ARAP3: variants seen among roughly 807,000 people sequenced by gnomAD.
The protein encoded by ARAP3 is ArfGAP with RhoGAP domain, ankyrin repeat and PH domain 3.
ARAP3 carries 82 observed loss-of-function variants against 169.2 expected under a neutral mutation model. The ratio of observed to expected loss-of-function variants is 0.48; its 90% confidence interval spans 0.41 to 0.58. ARAP3 has a LOEUF of 0.58. Among genes scored for constraint, ARAP3 ranks in the 20% least tolerant of loss-of-function variants. The pLI, the probability that ARAP3 is intolerant of heterozygous loss-of-function variation, is 0.00. For missense variants in ARAP3, 1,764 were observed against 2,018.0 expected, an observed-to-expected ratio of 0.87 and a Z score of 2.41; for synonymous variants, 791 against 800.3, an observed-to-expected ratio of 0.99 and a Z score of 0.20.
intron 19 of ARAP3, among the ~76,000 whole-genome samples, chr5:141,662,517 C>G (rs938839479): frequency 6.6e-6 from 1 of 152,216 alleles, no homozygotes; most frequent in Non-Finnish European, 1.5e-5. Context: ...AAATAGCACT[C>G]TCTGAAATCA....
In ARAP3 at chr5:141,672,882, C is replaced by T. The variant is rs781334855; in HGVS notation, c.1137G>A (p.Lys379=). 6.2e-7 allele frequency: 1 copy of T among 1,607,826 alleles called. No individual in the cohort carries two copies. The highest frequency in any genetic ancestry group is 8.5e-7 in the Non-Finnish European group (1 of 1,177,072). The change falls in exon 8 of 33, where the codon AAG becomes AAA. Residue 379 remains lysine (K), a synonymous_variant. Transcript: ENST00000239440. This position sits in a 1 kb window ranked among gnomAD's most constrained non-coding sequence, Gnocchi z 4.9. The stretch of plus-strand genomic sequence containing the variant: ...GGGGGTGGCCCAGGAGGCGCTGCTC[C>T]TTCAGACAGGACTGCAGCGTGGAGC... The part of the protein sequence containing the change: ...MWCSTLQSCL[K]EQRLLGHPRP...
In ARAP3 at chr5:141,656,616, C is replaced by A. The variant is rs779573946; in HGVS notation, c.3677G>T (p.Arg1226Leu). The change falls in exon 27 of 33, where the codon CGG becomes CTG. Residue 1226 changes from arginine (R) to leucine (L), a missense_variant. Around this residue, in one of 3 missense-constraint regions of ARAP3, gnomAD observed 1,112 missense variants for 1,285.7 expected, o/e 0.86. Coordinates refer to ENST00000239440, the MANE Select transcript of ARAP3 (RefSeq NM_022481.6). ...LFTGIRRESPRVGLLRCREEP... is the reference protein window; with the variant it reads ...LFTGIRRESPLVGLLRCREEP... ...CTCACGACACCGCAACAGCCCCACC[C>A]GTGGGCTCTCACGTCGGATACCTGG... 6.2e-7 allele frequency: 1 copy of A among 1,613,446 alleles called. No individual in the cohort carries two copies. Among genetic ancestry groups the A allele is most frequent in the East Asian group, 2.2e-5 (1 of 44,854 alleles).
In ARAP3 at chr5:141,672,841, G is replaced by A. The variant is rs199581696; in HGVS notation, c.1178C>T (p.Pro393Leu). ...CAGCATGCCCGTGCGGAGGGGTCGG[G>A]GTGGTTGGGGGGGCCGGGGGTGGCC... is the stretch of plus-strand genomic sequence containing the variant. The part of the protein sequence containing the change: ...LLGHPRPPQP[P>L]RPLRTGMLEL... The change falls in exon 8 of 33, where the codon CCC (proline) becomes CTC (leucine). Residue 393 changes from proline to leucine, a missense_variant. Pro to Leu is a moderately conservative substitution (Grantham distance 98, BLOSUM62 -3). This residue lies in a region of ARAP3 where 630 missense variants were observed against 678.7 expected (regional missense o/e 0.93). Transcript: ENST00000239440. This position sits in a 1 kb window ranked among gnomAD's most constrained non-coding sequence, Gnocchi z 4.9. The A allele has an allele frequency of 3.7e-6, 6 of 1,611,946 alleles. No homozygotes were observed. The East Asian group carries it at 8.9e-5, about 24-fold the overall frequency.
Position 141,666,646 on chromosome 5 carries a change from G to C in ARAP3, c.2353-3C>G, listed in dbSNP as rs915391699. The C allele has an allele frequency of 7.2e-7, 1 of 1,390,136 alleles. No homozygotes were observed. Among genetic ancestry groups the C allele is most frequent in the Admixed American group, 3.2e-5 (1 of 31,204 alleles). The allele number at this position is 1,390,136 out of a possible 1,614,324, so 86.1% of individuals were successfully genotyped here. A position where few individuals can be genotyped will look rare whatever the true frequency, so the allele number is the denominator to read the frequency against. ...TGGCAGCTCAGCGGGGAGAACCACT[G>C]TAGAGGCAGGGGGAGGACAGGAGAA... On this transcript the variant is annotated splice_polypyrimidine_tract_variant and splice_region_variant and intron_variant, in intron 16 of 32. Transcript: ENST00000239440.
At position 141,671,988 on chromosome 5, in the gene ARAP3, GGTGTGAGGGT is replaced by G. The variant is rs534785840; in HGVS notation, c.1586-18_1586-9del. 14,249 of 1,613,936 alleles carry G rather than the reference GGTGTGAGGGT, an allele frequency of 8.8e-3. 88 individuals are homozygous for G. Among genetic ancestry groups the G allele is most frequent in the Non-Finnish European group, 9.7e-3 (11,416 of 1,179,942 alleles). On this transcript the variant is annotated splice_polypyrimidine_tract_variant and intron_variant, in intron 10 of 32. Coordinates refer to ENST00000239440, the MANE Select transcript of ARAP3 (RefSeq NM_022481.6). This position sits in a 1 kb window ranked among gnomAD's most constrained non-coding sequence, Gnocchi z 4.9. ...CCAGGGCCCGGTGCTGACCTGTGAG[GGTGTGAGGGT>G]GTGTGAGGGTGTGTGAGGGTGTGAG...
rs540874022 is a variant in ARAP3 at position 141,661,099 on chromosome 5, T to C, written c.3119+585A>G. Among the ~76,000 whole-genome samples, 47 of 151,016 alleles carry C rather than the reference T, an allele frequency of 3.1e-4. No individual in the cohort carries two copies. In the South Asian group the frequency reaches 9.5e-3, roughly 31 times the overall value. ...TTTTTTTTGAGACAAGATCTCCCTCTGTCACCCAGGCTGGAGTGAAGTGGT... is the reference window on the plus strand; with the variant it reads ...TTTTTTTTGAGACAAGATCTCCCTCCGTCACCCAGGCTGGAGTGAAGTGGT... On this transcript the variant is annotated intron_variant, in intron 21 of 32. Coordinates refer to ENST00000239440, the MANE Select transcript of ARAP3 (RefSeq NM_022481.6).
At chr5:141,657,119 C>G (rs2099909363) in intron 25 of ARAP3, among the ~76,000 whole-genome samples, 1 of 152,162 alleles carries the variant, frequency 6.6e-6, no homozygotes. Flanking sequence ...ACTGAGCAAG[C>G]AACAGGACAG....
Position 141,653,937 on chromosome 5 carries a change from G to T in ARAP3, c.*13C>A. On this transcript the variant is annotated 3_prime_UTR_variant, in exon 33 of 33. Coordinates refer to ENST00000239440, the MANE Select transcript of ARAP3 (RefSeq NM_022481.6). The stretch of plus-strand genomic sequence containing the variant: ...CTTCTGGTACCTACCCTCTCAGACT[G>T]CTGGTCCTAGGGTCATGTGAGGGGC... 6.6e-7 allele frequency: 1 copy of T among 1,513,690 alleles called. No individual in the cohort carries two copies. The highest frequency in any genetic ancestry group is 8.8e-7 in the Non-Finnish European group (1 of 1,131,788). 93.8% of individuals were successfully genotyped at this position (1,513,690 alleles called of 1,614,324 possible). A position where few individuals can be genotyped will look rare whatever the true frequency, so the allele number is the denominator to read the frequency against.
Position 141,666,418 on chromosome 5 carries a change from G to A in ARAP3, c.2572+6C>T, listed in dbSNP as rs759929998. ...CATCCCTGTCCCCCCAAACCTCCCC[G>A]CTTACTGATCTCCTGTAGCCGCCGC... On this transcript the variant is annotated splice_donor_region_variant and intron_variant, in intron 17 of 32. Coordinates refer to ENST00000239440, the MANE Select transcript of ARAP3 (RefSeq NM_022481.6). The A allele has an allele frequency of 6.4e-6, 10 of 1,560,800 alleles. No homozygotes were observed. Among genetic ancestry groups the A allele is most frequent in the East Asian group, 4.8e-5 (2 of 41,638 alleles).
chr5:141,678,274 C>T (rs1346473634), intron 4 of ARAP3, among the ~76,000 whole-genome samples: 1 of 152,020 alleles, frequency 6.6e-6, no homozygotes, highest in African/African-American at 2.4e-5. Context: ...TTTTACCTCT[C>T]TGACTTCATC....
At chr5:141,681,476 C>T (rs2099912963) in intron 1 of ARAP3, among the ~76,000 whole-genome samples, 1 of 152,258 alleles carries the variant, frequency 6.6e-6, no homozygotes, top group South Asian at 2.1e-4. Flanking sequence ...TGACCCCGAC[C>T]CTGACCCTGG....
intron 22 of ARAP3, 76 bp from the exon 23 acceptor site, chr5:141,659,552 C>A: frequency 1.3e-6 from 2 of 1,518,428 alleles, no homozygotes; most frequent in African/African-American, 1.4e-5. Flanking sequence ...CAAGGAGGAC[C>A]TGTTTAAGAG....
chr5:141,655,214 C>CACACACACACACACACACA, intron 32 of ARAP3, 148 bp downstream of exon 32: 1 of 641,660 alleles, frequency 1.6e-6, no homozygotes, highest in African/African-American at 2.3e-5. Flanking sequence ...CACACACACA[C>CACACACACACACACACACA]CCTGATGGCC....
intron 3 of ARAP3, 51 bp downstream of exon 3, chr5:141,679,709 TG>T: frequency 1.4e-5 from 23 of 1,613,636 alleles, no homozygotes; most frequent in Non-Finnish European, 1.8e-5. Flanking sequence ...TGGGAGTGTA[TG>T]AGGTCCTGCC....
chr5:141,678,013 C>A (rs1024166738), intron 4 of ARAP3, among the ~76,000 whole-genome samples: 4 of 150,050 alleles, frequency 2.7e-5, no homozygotes, highest in African/African-American at 2.5e-5. Context: ...AGCGGCACAA[C>A]CTTTGCTCAC....
chr5:141,665,900 G>C (rs193017773), intron 17 of ARAP3, among the ~76,000 whole-genome samples: 1 of 151,550 alleles, frequency 6.6e-6, no homozygotes, highest in East Asian at 1.9e-4. Flanking sequence ...GCGTGGTGGC[G>C]GACACCTGTA....
chr5:141,678,407 C>G (rs992890228), intron 4 of ARAP3, among the ~76,000 whole-genome samples: 6 of 152,198 alleles, frequency 3.9e-5, no homozygotes, highest in African/African-American at 1.4e-4. Flanking sequence ...ACTTGCCCTA[C>G]CGGGGCACTC....
Position 141,673,050 on chromosome 5 carries a change from G to A in ARAP3, c.1056C>T (p.Thr352=), listed in dbSNP as rs772601581. 5 of 1,614,004 alleles carry A rather than the reference G, an allele frequency of 3.1e-6. No homozygotes were observed. The highest frequency in any genetic ancestry group is 2.2e-5 in the East Asian group (1 of 44,884). ...SSKDNKFQVI[T]GQRVFVFRTE... is the part of the protein sequence containing the mutation. ...TGCGGAACACGAACACCCTCTGGCCGGTGATGACCTGGAACTTGTTGTCCT... is the reference window on the plus strand; with the variant it reads ...TGCGGAACACGAACACCCTCTGGCCAGTGATGACCTGGAACTTGTTGTCCT... The change falls in exon 7 of 33, where the codon ACC becomes ACT. Residue 352 remains threonine (T), a synonymous_variant. Coordinates refer to ENST00000239440, the MANE Select transcript of ARAP3 (RefSeq NM_022481.6).
chr5:141,656,160 G>T (rs750513785), intron 28 of ARAP3, 34 bp downstream of exon 28: 1 of 1,614,056 alleles, frequency 6.2e-7, no homozygotes, highest in Non-Finnish European at 8.5e-7. Context: ...AGGCAGGAAG[G>T]CCCTGGAAGT....
Sources: allele counts gnomAD v4.1 joint callset (sites outside exome capture counted in the v4.1 genomes callset), GRCh38; gene constraint gnomAD v4.1.1; regional missense constraint gnomAD v4.1.1; non-coding constraint Gnocchi (gnomAD v3.1); transcripts MANE v1.5; gene names NCBI Gene and HGNC (gene_info 2026-07-23, HGNC 2026-07-21).